The following COL25A1 variants were observed in gnomAD, a reference collection of about 807,000 sequenced individuals.
The protein encoded by COL25A1 is collagen alpha-1(XXV) chain.
Under a neutral mutation model 128.4 loss-of-function variants are expected in COL25A1, and 103 were observed. The observed-to-expected ratio is 0.80, with a 90% CI of 0.68 to 0.94. The LOEUF is 0.94. COL25A1 is among the 40% of genes least tolerant of loss of function. The pLI is 0.00. For missense variants in COL25A1, 745 were observed against 840.0 expected (o/e 0.89, Z 1.40); for synonymous variants, 279 against 277.2 (o/e 1.01, Z -0.06).
chr4:109,218,076 T>G (rs567502594), intron 3 of COL25A1, among the ~76,000 whole-genome samples: 1 of 152,338 alleles, frequency 6.6e-6, no homozygotes, highest in South Asian at 2.1e-4. Context: ...CATGTCTTTT[T>G]AATGGAGATA....
At chr4:109,087,167 G>A (rs1764473390) in intron 3 of COL25A1, among the ~76,000 whole-genome samples, 1 of 151,940 alleles carries the variant, frequency 6.6e-6, no homozygotes, top group African/African-American at 2.4e-5. Context: ...TAATCCAAGA[G>A]CCATGGCTGG....
At chr4:108,835,931 G>A (rs1201461888) in intron 31 of COL25A1, among the ~76,000 whole-genome samples, 2 of 132,154 alleles carry the variant, frequency 1.5e-5, no homozygotes, top group Non-Finnish European at 3.1e-5. Flanking sequence ...GAGTGCAGTG[G>A]CGCGATCTCA....
intron 11 of COL25A1, among the ~76,000 whole-genome samples, chr4:108,931,843 G>A (rs946975816): frequency 6.6e-6 from 1 of 152,186 alleles, no homozygotes; most frequent in Non-Finnish European, 1.5e-5. Context: ...TACCAAGGAG[G>A]TGGGAAGAGC....
At chr4:109,123,677 G>C (rs1401671337) in intron 3 of COL25A1, among the ~76,000 whole-genome samples, 1 of 151,958 alleles carries the variant, frequency 6.6e-6, no homozygotes, top group Non-Finnish European at 1.5e-5. Context: ...ATATTCTATT[G>C]ATAATGCTGG....
Position 109,050,135 on chromosome 4 carries a change from C to T in COL25A1, c.412G>A (p.Gly138Ser). The change falls in exon 4 of 38, where the codon GGT becomes AGT. Residue 138 changes from glycine to serine, a missense_variant and splice_region_variant. This residue lies in a region of COL25A1 where 319 missense variants were observed against 324.9 expected (regional missense o/e 0.98). Coordinates refer to ENST00000399132, the MANE Select transcript of COL25A1 (RefSeq NM_198721.4). ...CAGAGCAGCTGAAAGAGAGACTTACCAGATTCTCCTCTTCGGCCTCTCTTA... is the reference window on the plus strand; with the variant it reads ...CAGAGCAGCTGAAAGAGAGACTTACTAGATTCTCCTCTTCGGCCTCTCTTA... ...RGKRGRRGES[G>S]PPGQPGPQGP... 6.2e-7 allele frequency: 1 copy of T among 1,609,016 alleles called. No homozygotes were observed. The highest frequency in any genetic ancestry group is 8.5e-7 in the Non-Finnish European group (1 of 1,176,736).
chr4:108,997,236 TAAA>T (rs1754870271), intron 6 of COL25A1, among the ~76,000 whole-genome samples: 1 of 151,010 alleles, frequency 6.6e-6, no homozygotes, highest in Admixed American at 6.6e-5. Flanking sequence ...GCAAGACTAA[TAAA>T]GAAGAAAAGA....
chr4:108,816,568 A>G (rs1428254782), intron 37 of COL25A1, among the ~76,000 whole-genome samples: 1 of 152,184 alleles, frequency 6.6e-6, no homozygotes, highest in African/African-American at 2.4e-5. Context: ...TTCTCTGAAT[A>G]GCACAGCACA....
chr4:109,297,857 CTTTTCTTTTTT>C (rs1725126450), intron 3 of COL25A1, among the ~76,000 whole-genome samples: 1 of 83,436 alleles, frequency 1.2e-5, no homozygotes, highest in African/African-American at 5.0e-5. Context: ...GTCTTTTTTC[CTTTTCTTTTTT>C]TTTTTTTTTT....
chr4:108,893,402 T>C (rs1330582391), intron 16 of COL25A1, among the ~76,000 whole-genome samples: 2 of 151,960 alleles, frequency 1.3e-5, no homozygotes, highest in Non-Finnish European at 1.5e-5. Flanking sequence ...CTCCAAAGAG[T>C]GGGACATAAT....
At chr4:108,856,034 C>T (rs1384279669) in intron 24 of COL25A1, among the ~76,000 whole-genome samples, 2 of 152,170 alleles carry the variant, frequency 1.3e-5, no homozygotes, top group Non-Finnish European at 2.9e-5. Context: ...AAATGGGAGG[C>T]ATGAACTACA....
chr4:108,919,276 T>C (rs1578766268), intron 12 of COL25A1, among the ~76,000 whole-genome samples: 2 of 152,298 alleles, frequency 1.3e-5, no homozygotes, highest in South Asian at 4.2e-4. Context: ...CCTTAGTGCA[T>C]TCAGTGATTA....
At chr4:108,960,847 T>C (rs541479601) in intron 8 of COL25A1, among the ~76,000 whole-genome samples, 1 of 152,152 alleles carries the variant, frequency 6.6e-6, no homozygotes, top group Non-Finnish European at 1.5e-5. Context: ...CAGTCTTTGA[T>C]GCGATCATCA....
chr4:109,097,437 T>TAA lies in COL25A1; in HGVS notation c.368-47260_368-47259dup, dbSNP rs35833171. Among the ~76,000 whole-genome samples the TAA allele has an allele frequency of 1.7e-3, 198 of 117,084 alleles. 1 individual carries two copies. Among genetic ancestry groups the TAA allele is most frequent in the African/African-American group, 4.4e-3 (143 of 32,804 alleles). 76.8% of individuals were successfully genotyped at this position (117,084 alleles called of 152,430 possible). ...CTGGGCAACATGGAGAAACCCTGTC[T>TAA]AAAAAAAAAAAAAAAAACCACAAAA... is the stretch of plus-strand genomic sequence containing the variant. On this transcript the variant is annotated intron_variant, in intron 3 of 37. Coordinates refer to ENST00000399132, the MANE Select transcript of COL25A1 (RefSeq NM_198721.4).
At chr4:108,830,768 C>T (rs952211034) in intron 32 of COL25A1, among the ~76,000 whole-genome samples, 5 of 152,280 alleles carry the variant, frequency 3.3e-5, no homozygotes, top group East Asian at 1.9e-4. Flanking sequence ...ATTTACCACA[C>T]GGTAAACCCT....
At chr4:108,906,294 G>C (rs769043518) in intron 13 of COL25A1, among the ~76,000 whole-genome samples, 10 of 151,860 alleles carry the variant, frequency 6.6e-5, no homozygotes, top group Admixed American at 6.6e-4. Flanking sequence ...CAGGGCCTTT[G>C]CACCTAGGCG....
chr4:108,830,051 T>C (rs939515261), intron 32 of COL25A1, among the ~76,000 whole-genome samples: 2 of 152,232 alleles, frequency 1.3e-5, no homozygotes, highest in Non-Finnish European at 2.9e-5. Flanking sequence ...TAAAATAATG[T>C]ATTTCTTTAT....
intron 3 of COL25A1, among the ~76,000 whole-genome samples, chr4:109,209,829 G>A (rs1777350051): frequency 6.6e-6 from 1 of 152,062 alleles, no homozygotes; most frequent in African/African-American, 2.4e-5. Context: ...GGGCTGGGCG[G>A]ATCATTTGAG....
Position 109,301,606 on chromosome 4 carries a change from G to A in COL25A1, c.297+117C>T, listed in dbSNP as rs1725537096. 4 of 1,147,300 alleles carry A rather than the reference G, an allele frequency of 3.5e-6. No homozygotes were observed. In the African/African-American group the frequency reaches 6.2e-5, roughly 18 times the overall value. The allele number at this position is 1,147,300 out of a possible 1,614,324, so 71.1% of individuals were successfully genotyped here. ...ATCCTTGGCCAACACATGCACGCGC[G>A]CGCACACACACAGCCACACCAAGTA... is the stretch of plus-strand genomic sequence containing the variant. On this transcript the variant is annotated intron_variant, in intron 2 of 37. Transcript: ENST00000399132.
Position 108,890,305 on chromosome 4 carries a change from T to C in COL25A1, c.907-572A>G, listed in dbSNP as rs192713678. On this transcript the variant is annotated intron_variant, in intron 16 of 37. Transcript: ENST00000399132. ...TGTCACAGATACAATGGGCACGTTT[T>C]TTCCAGCTTTACACTTATTTCATTG... Among the ~76,000 whole-genome samples, 56 of 152,338 alleles carry C rather than the reference T, an allele frequency of 3.7e-4. 1 individual carries two copies. In the East Asian group the frequency reaches 9.3e-3, roughly 25 times the overall value.
Sources: gnomAD v4.1 joint callset for allele counts (sites outside exome capture counted in the v4.1 genomes callset) on GRCh38, gnomAD v4.1.1 for gene constraint, gnomAD v4.1.1 regional missense constraint, MANE v1.5 for transcripts, NCBI Gene and HGNC (gene_info 2026-07-23, HGNC 2026-07-21) for gene names.